CHN1: variants seen among roughly 807,000 people sequenced by gnomAD.
CHN1 encodes the protein N-chimaerin.
Under a neutral mutation model 59.5 loss-of-function variants are expected in CHN1, and 37 were observed. The ratio of observed to expected loss-of-function variants is 0.62; its 90% CI spans 0.48 to 0.82. The LOEUF (loss-of-function observed/expected upper bound fraction) is 0.82. CHN1 is among the 40% of genes least tolerant of loss of function. The pLI is 0.00. For synonymous variants in CHN1, 206 were observed against 200.4 expected, an observed-to-expected ratio of 1.03 and a Z score of -0.24; for missense variants, 469 against 571.0, an observed-to-expected ratio of 0.82 and a Z score of 1.82.
At chr2:174,968,163 G>T (rs1690651033) in intron 1 of CHN1, among the ~76,000 whole-genome samples, 1 of 152,184 alleles carries the variant, frequency 6.6e-6, no homozygotes, top group South Asian at 2.1e-4. Context: ...AGAGAGATAA[G>T]GCTCCTATTA....
At chr2:174,840,430 T>C (rs1686257368) in intron 7 of CHN1, among the ~76,000 whole-genome samples, 1 of 152,118 alleles carries the variant, frequency 6.6e-6, no homozygotes, top group African/African-American at 2.4e-5. Flanking sequence ...CCTCCCAAAG[T>C]GTAGGGATTA....
chr2:174,846,508 A>C, intron 7 of CHN1: 3 of 1,405,344 alleles, frequency 2.1e-6, no homozygotes, highest in Non-Finnish European at 2.8e-6. Flanking sequence ...AAAGCTTTTT[A>C]CCAGAAACAC....
intron 6 of CHN1, among the ~76,000 whole-genome samples, chr2:174,854,958 T>C (rs977059560): frequency 1.3e-5 from 2 of 152,152 alleles, no homozygotes; most frequent in African/African-American, 4.8e-5. Flanking sequence ...TTTCTGGCAA[T>C]TTTATAATTA....
At chr2:174,867,691 G>C (rs557258804) in intron 6 of CHN1, among the ~76,000 whole-genome samples, 2 of 151,978 alleles carry the variant, frequency 1.3e-5, no homozygotes, top group Non-Finnish European at 2.9e-5. Context: ...TGCTTATAAA[G>C]TAATATAATA....
intron 1 of CHN1, among the ~76,000 whole-genome samples, chr2:174,954,378 G>A (rs1256960438): frequency 6.6e-6 from 1 of 152,114 alleles, no homozygotes; most frequent in Non-Finnish European, 1.5e-5. Context: ...CTAGATACTG[G>A]CTTAGGCAAA....
intron 5 of CHN1, among the ~76,000 whole-genome samples, chr2:174,895,032 TACACACACACACGCGCGCACACACAC>T (rs1419265033): frequency 6.9e-6 from 1 of 144,952 alleles, no homozygotes; most frequent in African/African-American, 2.8e-5. Context: ...ACATAGTATA[TACACACACACACGCGCGCACACACAC>T]ACACACACAC....
intron 1 of CHN1, 75 bp downstream of exon 1, chr2:175,004,819 G>T: frequency 9.9e-7 from 1 of 1,008,788 alleles, no homozygotes; most frequent in Non-Finnish European, 1.2e-6. Flanking sequence ...CGGGCGCCCA[G>T]GCCCCCCAGG....
intron 1 of CHN1, among the ~76,000 whole-genome samples, chr2:174,999,050 T>C (rs2105472460): frequency 6.6e-6 from 1 of 152,266 alleles, no homozygotes; most frequent in African/African-American, 2.4e-5. Context: ...TATAACTTTA[T>C]TTTGTCAGGC....
At chr2:174,989,103 C>T (rs982578626) in intron 1 of CHN1, among the ~76,000 whole-genome samples, 4 of 152,174 alleles carry the variant, frequency 2.6e-5, no homozygotes, top group Admixed American at 6.5e-5. Flanking sequence ...CAAGGCCAGG[C>T]ATGGTGGCTC....
At chr2:174,847,406 T>G in intron 6 of CHN1, 1 of 1,203,718 alleles carries the variant, frequency 8.3e-7, no homozygotes, top group Non-Finnish European at 1.0e-6. Context: ...AAAGAAAGAG[T>G]CGATGCTAAC....
intron 5 of CHN1, among the ~76,000 whole-genome samples, chr2:174,914,639 T>C (rs2105369747): frequency 6.6e-6 from 1 of 151,920 alleles, no homozygotes; most frequent in Non-Finnish European, 1.5e-5. Context: ...AGTCAAGAGA[T>C]CGAGACCATC....
At position 174,885,283 on chromosome 2, in the gene CHN1, G is replaced by GAAA. The variant is rs1296078594; in HGVS notation, c.261-7158_261-7156dup. On this transcript the variant is annotated intron_variant, in intron 5 of 12. Transcript: ENST00000409900. ...GAGCGAGACTCGGTCTCAAAAAAAA[G>GAAA]AAAAAAAAATATATATATATAGAGA... 3.0e-3 allele frequency among the ~76,000 whole-genome samples: 444 copies of GAAA among 145,912 alleles called. 2 individuals are homozygous for GAAA. The highest frequency in any genetic ancestry group is 0.011 in the African/African-American group (428 of 39,876).
intron 6 of CHN1, chr2:174,847,772 GCA>G (rs1491274396): frequency 7.6e-5 from 7 of 92,672 alleles, no homozygotes; most frequent in Admixed American, 2.0e-4. Flanking sequence ...CTGGCTCAAG[GCA>G]AAAAAAAAAA....
chr2:175,004,821 C>T, intron 1 of CHN1, 73 bp downstream of exon 1: 3 of 1,023,548 alleles, frequency 2.9e-6, no homozygotes, highest in Non-Finnish European at 3.7e-6. Context: ...GGCGCCCAGG[C>T]CCCCCAGGCC....
chr2:174,882,407 C>T (rs958934643), intron 5 of CHN1, among the ~76,000 whole-genome samples: 2 of 152,134 alleles, frequency 1.3e-5, no homozygotes, highest in Admixed American at 1.3e-4. Context: ...CCTTAATATA[C>T]CATCTTTTCT....
chr2:174,892,324 C>T (rs1049169303), intron 5 of CHN1, among the ~76,000 whole-genome samples: 4 of 152,208 alleles, frequency 2.6e-5, no homozygotes, highest in African/African-American at 9.7e-5. Flanking sequence ...GAAACAATCA[C>T]TTTGTAAATG....
chr2:174,866,479 T>A (rs1033807894), intron 6 of CHN1, among the ~76,000 whole-genome samples: 3 of 152,174 alleles, frequency 2.0e-5, no homozygotes, highest in Non-Finnish European at 4.4e-5. Context: ...TAACACTGCT[T>A]CCAAAAAAAA....
chr2:174,872,859 A>T (rs1475715472), intron 6 of CHN1, among the ~76,000 whole-genome samples: 2 of 152,180 alleles, frequency 1.3e-5, no homozygotes, highest in Non-Finnish European at 2.9e-5. Context: ...ATAATTCTTC[A>T]TGCAATGCTT....
intron 1 of CHN1, among the ~76,000 whole-genome samples, chr2:174,999,888 T>C (rs1024454926): frequency 6.6e-6 from 1 of 152,204 alleles, no homozygotes; most frequent in Non-Finnish European, 1.5e-5. Flanking sequence ...TTTGTATAAT[T>C]ATACATATCA....
Sources: gnomAD v4.1 joint callset for allele counts (sites outside exome capture counted in the v4.1 genomes callset) on GRCh38, gnomAD v4.1.1 for gene constraint, MANE v1.5 for transcripts, NCBI Gene and HGNC (gene_info 2026-07-23, HGNC 2026-07-21) for gene names.